BBX: variants seen among roughly 807,000 people sequenced by gnomAD.
BBX encodes the protein HMG box transcription factor BBX.
BBX carries 30 observed loss-of-function variants against 100.2 expected under a neutral mutation model. The observed-to-expected ratio is 0.30, with a 90% CI of 0.22 to 0.41. The LOEUF (loss-of-function observed/expected upper bound fraction) is 0.41, where lower values mean the gene tolerates loss of function less well. Ranked by LOEUF, BBX falls within the 10% of genes least tolerant of loss-of-function variation. The pLI, the probability that BBX is intolerant of heterozygous loss-of-function variation, is 1.00. For missense variants in BBX, 1,023 were observed against 1,129.8 expected (o/e 0.91, Z 1.35); for synonymous variants, 376 against 388.1 (o/e 0.97, Z 0.37).
intron 2 of BBX, among the ~76,000 whole-genome samples, chr3:107,629,549 A>T (rs1268576668): frequency 6.6e-6 from 1 of 152,124 alleles, no homozygotes; most frequent in Non-Finnish European, 1.5e-5. Context: ...TAAAGATGAT[A>T]ACCAATGTCA....
At chr3:107,567,244 A>G (rs987428828) in intron 2 of BBX, among the ~76,000 whole-genome samples, 9 of 151,260 alleles carry the variant, frequency 6.0e-5, no homozygotes, top group Non-Finnish European at 1.0e-4. Flanking sequence ...ATATATTCGT[A>G]TCAGGTTAAT....
At chr3:107,662,678 T>G (rs1027083897) in intron 3 of BBX, 21 of 151,884 alleles carry the variant, frequency 1.4e-4, no homozygotes, top group Admixed American at 1.3e-4. Flanking sequence ...AGAAATTTAT[T>G]TTTGCTGTTG....
intron 5 of BBX, among the ~76,000 whole-genome samples, chr3:107,721,236 C>T (rs562867684): frequency 2.0e-5 from 3 of 152,000 alleles, no homozygotes; most frequent in African/African-American, 7.2e-5. Context: ...ACACTATTTC[C>T]ACAGGAATCA....
chr3:107,707,733 C>T (rs1309880079), intron 3 of BBX, among the ~76,000 whole-genome samples: 1 of 152,042 alleles, frequency 6.6e-6, no homozygotes, highest in Non-Finnish European at 1.5e-5. Context: ...TTATTTTGAA[C>T]CCAGAAAGAA....
chr3:107,573,168 G>A (rs1336139564), intron 2 of BBX, among the ~76,000 whole-genome samples: 3 of 152,134 alleles, frequency 2.0e-5, no homozygotes, highest in Non-Finnish European at 4.4e-5. Flanking sequence ...AACAAGCTAT[G>A]TCTAATGGAG....
At chr3:107,670,693 A>T (rs181414082) in intron 3 of BBX, among the ~76,000 whole-genome samples, 8 of 152,292 alleles carry the variant, frequency 5.3e-5, no homozygotes, top group Admixed American at 4.6e-4. Flanking sequence ...TTACAAATAT[A>T]AAAATGTTGA....
intron 3 of BBX, among the ~76,000 whole-genome samples, chr3:107,690,891 C>CTTT (rs1305340083): frequency 0.014 from 1,010 of 72,178 alleles, 13 homozygotes; most frequent in Middle Eastern, 0.023. Flanking sequence ...TGCCCCCCCC[C>CTTT]CTTTTTTTTT....
intron 3 of BBX, among the ~76,000 whole-genome samples, chr3:107,684,925 A>G (rs1365147565): frequency 6.6e-6 from 1 of 152,194 alleles, no homozygotes; most frequent in Non-Finnish European, 1.5e-5. Flanking sequence ...TAGAAGTGCC[A>G]GTCCTTTTTT....
At chr3:107,790,569 G>A (rs2068908146) in intron 14 of BBX, among the ~76,000 whole-genome samples, 1 of 152,132 alleles carries the variant, frequency 6.6e-6, no homozygotes, top group South Asian at 2.1e-4. Context: ...CATAGTGCAG[G>A]ACTCCTATTC....
intron 2 of BBX, among the ~76,000 whole-genome samples, chr3:107,529,107 G>A (rs1411620472): frequency 6.6e-6 from 1 of 152,168 alleles, no homozygotes; most frequent in African/African-American, 2.4e-5. Context: ...GTTATTATTA[G>A]TGTCTTAAAA....
At chr3:107,589,287 T>C (rs1207620178) in intron 2 of BBX, among the ~76,000 whole-genome samples, 1 of 152,188 alleles carries the variant, frequency 6.6e-6, no homozygotes, top group Non-Finnish European at 1.5e-5. Flanking sequence ...TAAATAAGTG[T>C]ATTTGGTTCT....
intron 6 of BBX, among the ~76,000 whole-genome samples, chr3:107,730,419 T>C (rs1266309913): frequency 6.6e-6 from 1 of 152,034 alleles, no homozygotes. Flanking sequence ...TTGGTCATCA[T>C]GTAACATCCA....
intron 2 of BBX, among the ~76,000 whole-genome samples, chr3:107,589,710 G>A (rs933551822): frequency 3.9e-5 from 6 of 152,184 alleles, no homozygotes; most frequent in Non-Finnish European, 7.3e-5. Flanking sequence ...AGATACCAAA[G>A]AAGGCAGTTA....
At chr3:107,532,550 C>T (rs1159283682) in intron 2 of BBX, among the ~76,000 whole-genome samples, 1 of 152,060 alleles carries the variant, frequency 6.6e-6, no homozygotes, top group African/African-American at 2.4e-5. Context: ...ACAAAATAGG[C>T]ACTTGAAAAG....
intron 10 of BBX, among the ~76,000 whole-genome samples, chr3:107,768,140 C>G (rs2107753063): frequency 6.6e-6 from 1 of 152,282 alleles, no homozygotes; most frequent in South Asian, 2.1e-4. Flanking sequence ...TCTTCATGGC[C>G]TGTGTAACTA....
At chr3:107,801,334 T>C in intron 17 of BBX, 53 bp downstream of exon 17, 1 of 1,557,680 alleles carries the variant, frequency 6.4e-7, no homozygotes, top group South Asian at 1.2e-5. Context: ...GATCAACCTC[T>C]TTGATGTGAT....
intron 2 of BBX, chr3:107,599,233 A>G (rs2053887484): frequency 6.6e-6 from 1 of 152,278 alleles, no homozygotes; most frequent in African/African-American, 2.4e-5. Flanking sequence ...ATAAGTAACT[A>G]GAAGCAGCCA....
At chr3:107,696,897 CT>C (rs2060646700) in intron 3 of BBX, among the ~76,000 whole-genome samples, 1 of 151,580 alleles carries the variant, frequency 6.6e-6, no homozygotes, top group Non-Finnish European at 1.5e-5. Flanking sequence ...TTGGTCGTTT[CT>C]TTTTATTCTT....
intron 2 of BBX, among the ~76,000 whole-genome samples, chr3:107,527,628 A>G (rs2047874400): frequency 6.6e-6 from 1 of 152,200 alleles, no homozygotes; most frequent in South Asian, 2.1e-4. Context: ...GATAATCTGT[A>G]TATGTTTTGC....
Sources: gnomAD v4.1 joint callset for allele counts (sites outside exome capture counted in the v4.1 genomes callset) on GRCh38, gnomAD v4.1.1 for gene constraint, MANE v1.5 for transcripts, NCBI Gene and HGNC (gene_info 2026-07-23, HGNC 2026-07-21) for gene names.